Variants in TBX2 observed in about 807,000 individuals in gnomAD.
The protein encoded by TBX2 is T-box transcription factor TBX2.
TBX2 carries 19 observed loss-of-function variants against 48.4 expected under a neutral mutation model. That is an observed-to-expected ratio of 0.39 (90% confidence interval 0.27 to 0.58). The LOEUF (loss-of-function observed/expected upper bound fraction) is 0.58. TBX2 is among the 20% of genes least tolerant of loss of function. The pLI is 0.54. For missense variants in TBX2, 994 were observed against 1,006.5 expected, an observed-to-expected ratio of 0.99 and a Z score of 0.17; for synonymous variants, 522 against 459.7, an observed-to-expected ratio of 1.14 and a Z score of -1.73.
At position 61,403,021 on chromosome 17, in the gene TBX2, G is replaced by A; in HGVS notation, c.664-40G>A. The A allele has an allele frequency of 6.3e-7, 1 of 1,577,528 alleles. No individual in the cohort carries two copies. Among genetic ancestry groups the A allele is most frequent in the Non-Finnish European group, 8.6e-7 (1 of 1,165,992 alleles). On this transcript the variant is annotated intron_variant, in intron 2 of 6. Transcript: ENST00000240328. The surrounding 1 kb of genome is among the most constrained non-coding windows in gnomAD (Gnocchi z 5.8). ...CCCAAAGAATAGAAAAGCTCGGGCC[G>A]GGGCTGGTGGCTGCCGGCTGACCCC...
chr17:61,405,131 C>T (rs1053111728), intron 5 of TBX2, 71 bp from the exon 6 acceptor site: 5 of 1,484,190 alleles, frequency 3.4e-6, no homozygotes, highest in South Asian at 1.3e-5. Context: ...AGCAGCCCTT[C>T]CCGAGTGTCC....
rs957229121 is a variant in TBX2, at chr17:61,403,163, C to T, written c.766C>T (p.Pro256Ser). ...CAGCACCTTCCGCACCTACGTGTTC[C>T]CGGAGACCGACTTCATCGCCGTCAC... ...PYSTFRTYVF[P>S]ETDFIAVTAY... Residue 256 changes from proline to serine, a missense_variant, in exon 3 of 7, where the codon CCG becomes TCG. Around this residue, in one of 5 missense-constraint regions of TBX2, gnomAD observed 153 missense variants for 166.2 expected, o/e 0.92. Coordinates refer to ENST00000240328, the MANE Select transcript of TBX2 (RefSeq NM_005994.4). The surrounding 1 kb of genome is among the most constrained non-coding windows in gnomAD (Gnocchi z 5.8). 1 of 1,613,704 alleles carries T rather than the reference C, an allele frequency of 6.2e-7. No individual in the cohort carries two copies. The highest frequency in any genetic ancestry group is 8.5e-7 in the Non-Finnish European group (1 of 1,180,016).
rs1301933178 is a variant in TBX2 at position 61,400,837 on chromosome 17, C to G, written c.395+266C>G. On this transcript the variant is annotated intron_variant, in intron 1 of 6. Transcript: ENST00000240328. The surrounding 1 kb of genome is among the most constrained non-coding windows in gnomAD (Gnocchi z 9.2). The stretch of plus-strand genomic sequence containing the variant: ...CTGCTAAAGAATAGCCCCAACCGTT[C>G]TGAGTCCCAGCGCAGAGGAGGCCCC... Among the ~76,000 whole-genome samples the G allele has an allele frequency of 2.0e-5, 3 of 152,250 alleles. No homozygotes were observed. The highest frequency in any genetic ancestry group is 2.9e-5 in the Non-Finnish European group (2 of 68,042).
At chr17:61,404,928 G>A (rs1293401241) in intron 5 of TBX2, 159 bp downstream of exon 5, 9 of 1,282,810 alleles carry the variant, frequency 7.0e-6, no homozygotes, top group African/African-American at 1.5e-5. Flanking sequence ...TCCCCTACGA[G>A]GGCGGTCCCC....
chr17:61,408,507 G>A lies in TBX2; in HGVS notation c.*1G>A. 6.9e-7 allele frequency: 1 copy of A among 1,439,312 alleles called. No homozygotes were observed. Among genetic ancestry groups the A allele is most frequent in the Non-Finnish European group, 9.1e-7 (1 of 1,096,776 alleles). 89.2% of individuals were successfully genotyped at this position (1,439,312 alleles called of 1,614,324 possible). A position where few individuals can be genotyped will look rare whatever the true frequency, so the allele number is the denominator to read the frequency against. On this transcript the variant is annotated 3_prime_UTR_variant, in exon 7 of 7. Coordinates refer to ENST00000240328, the MANE Select transcript of TBX2 (RefSeq NM_005994.4). The stretch of plus-strand genomic sequence containing the variant: ...CCCAGGCCGGGAGTCGCCCAAGTGA[G>A]GGGCTGCCCAGCTGCTCCCCTGCCA...
intron 2 of TBX2, among the ~76,000 whole-genome samples, chr17:61,402,806 T>G (rs2060269262): frequency 6.6e-6 from 1 of 151,802 alleles, no homozygotes; most frequent in African/African-American, 2.4e-5. Flanking sequence ...ACTGGGAAAT[T>G]TTTTTTAATG....
chr17:61,408,245 C>A lies in TBX2; in HGVS notation c.1878C>A (p.Ile626=), dbSNP rs963631972. The change falls in exon 7 of 7, where the codon ATC becomes ATA. Residue 626 remains isoleucine (I), a synonymous_variant. Coordinates refer to ENST00000240328, the MANE Select transcript of TBX2 (RefSeq NM_005994.4). ...GACTGCGTTTCAGCCCCTATCAGAT[C>A]CCGGTCACCATCCCGCCTAGCACTA... The part of the protein sequence containing the change: ...RPRLRFSPYQ[I]PVTIPPSTSL... The A allele has an allele frequency of 1.2e-6, 2 of 1,612,794 alleles. No homozygotes were observed. The highest frequency in any genetic ancestry group is 2.7e-5 in the African/African-American group (2 of 74,944).
In TBX2 at chr17:61,403,304, C is replaced by T; in HGVS notation, c.810+97C>T. On this transcript the variant is annotated intron_variant, in intron 3 of 6. Coordinates refer to ENST00000240328, the MANE Select transcript of TBX2 (RefSeq NM_005994.4). The surrounding 1 kb of genome is among the most constrained non-coding windows in gnomAD (Gnocchi z 5.8). Reference sequence around the variant, plus strand: ...TCATCGCCCCTCGAAGCCCCCTGCACGGGATCCGCGCTCTTGCGGCCCGCC... The same window carrying T: ...TCATCGCCCCTCGAAGCCCCCTGCATGGGATCCGCGCTCTTGCGGCCCGCC... 1.3e-6 allele frequency: 2 copies of T among 1,531,308 alleles called. No homozygotes were observed. Among genetic ancestry groups the T allele is most frequent in the African/African-American group, 1.4e-5 (1 of 71,800 alleles). 94.9% of individuals were successfully genotyped at this position (1,531,308 alleles called of 1,614,324 possible).
rs1312424217 is a variant in TBX2 at position 61,408,281 on chromosome 17, C to A, written c.1914C>A (p.Thr638=). The change falls in exon 7 of 7, where the codon ACC becomes ACA. Residue 638 remains threonine (T), a synonymous_variant. Coordinates refer to ENST00000240328, the MANE Select transcript of TBX2 (RefSeq NM_005994.4). Reference sequence around the variant, plus strand: ...TCCCGCCTAGCACTAGCCTCCTCACCACCGGGCTGGCCTCTGAGGGCTCCA... The same window carrying A: ...TCCCGCCTAGCACTAGCCTCCTCACAACCGGGCTGGCCTCTGAGGGCTCCA... ...VTIPPSTSLL[T]TGLASEGSKA... 5 of 1,612,720 alleles carry A rather than the reference C, an allele frequency of 3.1e-6. No homozygotes were observed. Among genetic ancestry groups the A allele is most frequent in the Non-Finnish European group, 4.2e-6 (5 of 1,179,914 alleles).
At position 61,401,873 on chromosome 17, in the gene TBX2, G is replaced by C. The variant is rs774189513; in HGVS notation, c.585G>C (p.Thr195=). 1.4e-5 allele frequency: 23 copies of C among 1,612,866 alleles called. No individual in the cohort carries two copies. Among genetic ancestry groups the C allele is most frequent in the Non-Finnish European group, 1.6e-5 (19 of 1,179,988 alleles). ...RMYIHPDSPA[T]GEQWMAKPVA... ...ACATCCACCCAGACAGCCCAGCCAC[G>C]GGGGAGCAGTGGATGGCTAAGCCTG... Residue 195 remains threonine (T), a synonymous_variant, in exon 2 of 7, where the codon ACG becomes ACC. Coordinates refer to ENST00000240328, the MANE Select transcript of TBX2 (RefSeq NM_005994.4).
chr17:61,402,480 G>A (rs8066227), intron 2 of TBX2, among the ~76,000 whole-genome samples: 5,008 of 148,182 alleles, frequency 0.034, 293 homozygotes, highest in African/African-American at 0.12. Flanking sequence ...ACTAGGAGGA[G>A]AGGGTTTGGG....
In TBX2 at chr17:61,406,616, C is replaced by G. The variant is rs2060290048; in HGVS notation, c.1686+780C>G. 6.6e-6 allele frequency: 1 copy of G among 152,072 alleles called. No homozygotes were observed. Among genetic ancestry groups the G allele is most frequent in the South Asian group, 2.1e-4 (1 of 4,820 alleles). The allele number at this position is 152,072 out of a possible 1,614,324, so 9.4% of individuals were successfully genotyped here. ...TGGAATCTCTTCATTCATTTTCTTC[C>G]CTCTGAGGTTTCTGGCAAATTGAAC... On this transcript the variant is annotated intron_variant, in intron 6 of 6. Transcript: ENST00000240328. The surrounding 1 kb of genome is among the most constrained non-coding windows in gnomAD (Gnocchi z 5.7).
At chr17:61,404,895 G>A (rs1234274762) in intron 5 of TBX2, 126 bp downstream of exon 5, 2 of 1,415,418 alleles carry the variant, frequency 1.4e-6, no homozygotes, top group East Asian at 2.5e-5. Flanking sequence ...CGAGTGTCTG[G>A]GATGGGGTTT....
chr17:61,405,356 C>G lies in TBX2; in HGVS notation c.1206C>G (p.Pro402=), dbSNP rs770728159. 2.6e-6 allele frequency: 4 copies of G among 1,546,778 alleles called. No homozygotes were observed. Among genetic ancestry groups the G allele is most frequent in the Middle Eastern group, 2.1e-4 (1 of 4,712 alleles). ...AGCGCGCCCGGGAGCGGCGTAGTCC[C>G]GAGAGGGGCAAGGAGCCGGCCGAGA... ...EPERARERRS[P]ERGKEPAESG... The change falls in exon 6 of 7, where the codon CCC becomes CCG. Residue 402 remains proline (P), a synonymous_variant. Coordinates refer to ENST00000240328, the MANE Select transcript of TBX2 (RefSeq NM_005994.4).
rs772538088 is a variant in TBX2 at position 61,408,333 on chromosome 17, C to T, written c.1966C>T (p.Pro656Ser). 1 of 1,604,966 alleles carries T rather than the reference C, an allele frequency of 6.2e-7. No homozygotes were observed. The highest frequency in any genetic ancestry group is 8.5e-7 in the Non-Finnish European group (1 of 1,176,490). ...SKAAGGNSREPSPLPELALRK... is the reference protein window; with the variant it reads ...SKAAGGNSRESSPLPELALRK... ...GGCCGCTGGTGGAAACAGCCGGGAG[C>T]CTAGCCCCCTGCCCGAGCTGGCTCT... The change falls in exon 7 of 7, where the codon CCT (proline) becomes TCT (serine). Residue 656 changes from proline to serine, a missense_variant. By Grantham distance (74) the Pro-to-Ser change is moderately conservative. Around this residue, in one of 5 missense-constraint regions of TBX2, gnomAD observed 639 missense variants for 613.2 expected, o/e 1.04. Transcript: ENST00000240328.
Position 61,408,272 on chromosome 17 carries a change from C to T in TBX2, c.1905C>T (p.Ser635=). The T allele has an allele frequency of 6.2e-7, 1 of 1,612,794 alleles. No individual in the cohort carries two copies. Among genetic ancestry groups the T allele is most frequent in the Non-Finnish European group, 8.5e-7 (1 of 1,179,920 alleles). ...CGGTCACCATCCCGCCTAGCACTAG[C>T]CTCCTCACCACCGGGCTGGCCTCTG... The part of the protein sequence containing the change: ...QIPVTIPPST[S]LLTTGLASEG... The change falls in exon 7 of 7, where the codon AGC becomes AGT. Residue 635 remains serine (S), a synonymous_variant. Coordinates refer to ENST00000240328, the MANE Select transcript of TBX2 (RefSeq NM_005994.4).
In TBX2 at chr17:61,408,355, C is replaced by T. The variant is rs767959344; in HGVS notation, c.1988C>T (p.Ala663Val). 2 of 1,591,520 alleles carry T rather than the reference C, an allele frequency of 1.3e-6. No homozygotes were observed. The highest frequency in any genetic ancestry group is 1.7e-5 in the Admixed American group (1 of 57,236). The stretch of plus-strand genomic sequence containing the variant: ...GAGCCTAGCCCCCTGCCCGAGCTGG[C>T]TCTCCGCAAAGTAGGGGCCCCATCC... ...SREPSPLPEL[A>V]LRKVGAPSRG... Residue 663 changes from alanine to valine, a missense_variant, in exon 7 of 7, where the codon GCT becomes GTT. Physicochemically the swap from Ala to Val is moderately conservative, Grantham distance 64. This residue lies in a region of TBX2 where 639 missense variants were observed against 613.2 expected (regional missense o/e 1.04). Coordinates refer to ENST00000240328, the MANE Select transcript of TBX2 (RefSeq NM_005994.4).
In TBX2 at chr17:61,405,802, C is replaced by T; in HGVS notation, c.1652C>T (p.Pro551Leu). 3.0e-6 allele frequency: 4 copies of T among 1,329,510 alleles called. No individual in the cohort carries two copies. The highest frequency in any genetic ancestry group is 3.8e-6 in the Non-Finnish European group (4 of 1,046,850). 82.4% of individuals were successfully genotyped at this position (1,329,510 alleles called of 1,614,324 possible). A position where few individuals can be genotyped will look rare whatever the true frequency, so the allele number is the denominator to read the frequency against. Residue 551 changes from proline to leucine, a missense_variant, in exon 6 of 7, where the codon CCG becomes CTG. By Grantham distance (98) the Pro-to-Leu change is moderately conservative. Around this residue, in one of 5 missense-constraint regions of TBX2, gnomAD observed 639 missense variants for 613.2 expected, o/e 1.04. Coordinates refer to ENST00000240328, the MANE Select transcript of TBX2 (RefSeq NM_005994.4). ...GCAGCAAGCACCGCCGCGCCCTTCC[C>T]GTTCCACCTCTCCCAGCACATGCTG... ...ASAASTAAPFPFHLSQHMLAS... is the reference protein window; with the variant it reads ...ASAASTAAPFLFHLSQHMLAS...
intron 5 of TBX2, 71 bp from the exon 6 acceptor site, chr17:61,405,131 C>G (rs1053111728): frequency 6.7e-7 from 1 of 1,484,072 alleles, no homozygotes; most frequent in Non-Finnish European, 8.9e-7. Flanking sequence ...AGCAGCCCTT[C>G]CCGAGTGTCC....
Sources: gnomAD v4.1 joint callset for allele counts (sites outside exome capture counted in the v4.1 genomes callset) on GRCh38, gnomAD v4.1.1 for gene constraint, gnomAD v4.1.1 regional missense constraint, Gnocchi (gnomAD v3.1) non-coding constraint, MANE v1.5 for transcripts, NCBI Gene and HGNC (gene_info 2026-07-23, HGNC 2026-07-21) for gene names.